The following C2CD4C variants were observed in gnomAD, a reference collection of about 807,000 sequenced individuals.
C2CD4C encodes C2 calcium-dependent domain-containing protein 4C.
C2CD4C carries 3 observed loss-of-function variants against 4.1 expected under a neutral mutation model. The ratio of observed to expected loss-of-function variants is 0.73; its 90% CI spans 0.33 to 1.88. The LOEUF (loss-of-function observed/expected upper bound fraction) is 1.88, where lower values mean the gene tolerates loss of function less well. Ranked by LOEUF, C2CD4C falls within the 40% of genes most tolerant of loss-of-function variation. The pLI, the probability that C2CD4C is intolerant of heterozygous loss-of-function variation, is 0.08. For synonymous variants in C2CD4C, 364 were observed against 290.4 expected, an observed-to-expected ratio of 1.25 and a Z score of -2.57; for missense variants, 664 against 621.5, an observed-to-expected ratio of 1.07 and a Z score of -0.73.
At position 407,312 on chromosome 19, in the gene C2CD4C, C is replaced by A. The variant is rs1974006650; in HGVS notation, c.1050G>T (p.Leu350=). The A allele has an allele frequency of 1.3e-6, 2 of 1,549,706 alleles. No individual in the cohort carries two copies. Among genetic ancestry groups the A allele is most frequent in the Non-Finnish European group, 1.7e-6 (2 of 1,146,822 alleles). ...RSINCCVGLC[L]VPGKLQKQRS... ...GCTGCTTCTGCAGCTTGCCCGGCACCAGGCACAGGCCCACGCAGCAGTTGA... is the reference window on the plus strand; with the variant it reads ...GCTGCTTCTGCAGCTTGCCCGGCACAAGGCACAGGCCCACGCAGCAGTTGA... The change falls in exon 2 of 2, where the codon CTG becomes CTT. Residue 350 remains leucine (L), a synonymous_variant. Coordinates refer to ENST00000332235, the MANE Select transcript of C2CD4C (RefSeq NM_001136263.2).
At position 407,927 on chromosome 19, in the gene C2CD4C, C is replaced by G. The variant is rs2145674328; in HGVS notation, c.435G>C (p.Gln145His). ...AMSLPSVPKA[Q>H]TSYGFAMLAE... ...CCAGCATGGCGAAGCCGTAGGACGT[C>G]TGGGCCTTGGGCACCGAGGGCAGGG... The change falls in exon 2 of 2, where the codon CAG becomes CAC. Residue 145 changes from glutamine to histidine, a missense_variant. By Grantham distance (24) the Gln-to-His change is conservative. Coordinates refer to ENST00000332235, the MANE Select transcript of C2CD4C (RefSeq NM_001136263.2). The G allele has an allele frequency of 1.9e-6, 3 of 1,548,694 alleles. No homozygotes were observed. Among genetic ancestry groups the G allele is most frequent in the South Asian group, 2.4e-5 (2 of 83,916 alleles).
Position 407,070 on chromosome 19 carries a change from G to A in C2CD4C, c.*26C>T, listed in dbSNP as rs373084340. The A allele has an allele frequency of 1.0e-4, 138 of 1,361,622 alleles. No homozygotes were observed. In the South Asian group the frequency reaches 1.4e-3, roughly 14 times the overall value. 84.3% of individuals were successfully genotyped at this position (1,361,622 alleles called of 1,614,324 possible). A position where few individuals can be genotyped will look rare whatever the true frequency, so the allele number is the denominator to read the frequency against. On this transcript the variant is annotated 3_prime_UTR_variant, in exon 2 of 2. Transcript: ENST00000332235. ...AGACCGGGGTCTGCCCTCTGCACCC[G>A]AGCGGACAGCGAGCAGGTCCCCGCT...
chr19:408,796 C>A (rs1016943940), intron 1 of C2CD4C, among the ~76,000 whole-genome samples: 2 of 152,134 alleles, frequency 1.3e-5, no homozygotes, highest in Non-Finnish European at 2.9e-5. Flanking sequence ...CCAGCTCCGC[C>A]CCCCCGGCTC....
chr19:407,423 G>C lies in C2CD4C; in HGVS notation c.939C>G (p.Ala313=), dbSNP rs1265239511. ...GGCGGGCCTGGCCGGCCTCGTACTC[G>C]GCCAGCAGCCGCACGCTGCCCCGAG... ...VGPRGSVRLL[A]EYEAGQARLR... is the part of the protein sequence containing the mutation. The change falls in exon 2 of 2, where the codon GCC becomes GCG. Residue 313 remains alanine (A), a synonymous_variant. Coordinates refer to ENST00000332235, the MANE Select transcript of C2CD4C (RefSeq NM_001136263.2). 5 of 1,517,922 alleles carry C rather than the reference G, an allele frequency of 3.3e-6. No homozygotes were observed. Among genetic ancestry groups the C allele is most frequent in the African/African-American group, 2.8e-5 (2 of 72,170 alleles). 94.0% of individuals were successfully genotyped at this position (1,517,922 alleles called of 1,614,324 possible).
chr19:408,105 G>A lies in C2CD4C; in HGVS notation c.257C>T (p.Thr86Ile). The A allele has an allele frequency of 6.7e-7, 1 of 1,482,500 alleles. No homozygotes were observed. Among genetic ancestry groups the A allele is most frequent in the South Asian group, 1.4e-5 (1 of 72,442 alleles). 91.8% of individuals were successfully genotyped at this position (1,482,500 alleles called of 1,614,324 possible). A position where few individuals can be genotyped will look rare whatever the true frequency, so the allele number is the denominator to read the frequency against. Residue 86 changes from threonine (T) to isoleucine (I), a missense_variant, in exon 2 of 2, where the codon ACC becomes ATC. Coordinates refer to ENST00000332235, the MANE Select transcript of C2CD4C (RefSeq NM_001136263.2). ...GGCAGGCAGCCGGGGGCTCCGTGGG[G>A]TCTGGCGGGGGGCCGCAGAGGCCAG... ...QNLASAAPRQTPRSPRLPAKL... is the reference protein window; with the variant it reads ...QNLASAAPRQIPRSPRLPAKL...
rs1308138004 is a variant in C2CD4C at position 409,015 on chromosome 19, G to A, written c.-50C>T. On this transcript the variant is annotated 5_prime_UTR_variant, in exon 1 of 2. Transcript: ENST00000332235. ...GGGTCCCCGGACTTACCTGCCCGGGGTGATGGCCCGAGGCCGGAGGTCTGT... is the reference window on the plus strand; with the variant it reads ...GGGTCCCCGGACTTACCTGCCCGGGATGATGGCCCGAGGCCGGAGGTCTGT... 2 of 152,524 alleles carry A rather than the reference G, an allele frequency of 1.3e-5. No individual in the cohort carries two copies. The highest frequency in any genetic ancestry group is 1.9e-4 in the South Asian group (1 of 5,160). 9.4% of individuals were successfully genotyped at this position (152,524 alleles called of 1,614,324 possible). A position where few individuals can be genotyped will look rare whatever the true frequency, so the allele number is the denominator to read the frequency against.
Position 407,069 on chromosome 19 carries a change from C to CGAT in C2CD4C, c.*26_*27insATC. On this transcript the variant is annotated 3_prime_UTR_variant, in exon 2 of 2. Coordinates refer to ENST00000332235, the MANE Select transcript of C2CD4C (RefSeq NM_001136263.2). ...GAGACCGGGGTCTGCCCTCTGCACC[C>CGAT]GAGCGGACAGCGAGCAGGTCCCCGC... The CGAT allele has an allele frequency of 6.6e-7, 1 of 1,521,886 alleles. No individual in the cohort carries two copies. Among genetic ancestry groups the CGAT allele is most frequent in the Non-Finnish European group, 8.8e-7 (1 of 1,132,334 alleles). 94.3% of individuals were successfully genotyped at this position (1,521,886 alleles called of 1,614,324 possible).
rs573764045 is a variant in C2CD4C, at chr19:407,350, C to T, written c.1012G>A (p.Asp338Asn). The change falls in exon 2 of 2, where the codon GAC (aspartate) becomes AAC (asparagine). Residue 338 changes from aspartate (D) to asparagine (N), a missense_variant. Asp to Asn is a conservative substitution (Grantham distance 23). Transcript: ENST00000332235. ...ACGCAGCAGTTGATGCTGCGGGCGT[C>T]GCACAGGCGGTCGTAGAGGCCCTCG... The part of the protein sequence containing the change: ...AAEGLYDRLC[D>N]ARSINCCVGL... 3 of 1,546,286 alleles carry T rather than the reference C, an allele frequency of 1.9e-6. No individual in the cohort carries two copies. The highest frequency in any genetic ancestry group is 2.4e-5 in the East Asian group (1 of 40,906).
chr19:407,697 G>C lies in C2CD4C; in HGVS notation c.665C>G (p.Ala222Gly). The C allele has an allele frequency of 6.5e-7, 1 of 1,534,436 alleles. No homozygotes were observed. The highest frequency in any genetic ancestry group is 8.8e-7 in the Non-Finnish European group (1 of 1,139,358). Residue 222 changes from alanine (A) to glycine (G), a missense_variant, in exon 2 of 2, where the codon GCC (alanine) becomes GGC (glycine). By Grantham distance (60) the Ala-to-Gly change is moderately conservative. Coordinates refer to ENST00000332235, the MANE Select transcript of C2CD4C (RefSeq NM_001136263.2). ...AGGGGACCCGAAGGGGGAGGACTCG[G>C]CCGAGGACCCTGTGTCGCTCTCCCC... ...SGGESDTGSS[A>G]ESSPFGSPLL...
rs1375152358 is a variant in C2CD4C, at chr19:408,245, G to A, written c.117C>T (p.Ser39=). ...GGATCTTGTCGGGCGTCAACACATT[G>A]CTGTACAGGGGCCCCTTGGAGGCCT... is the stretch of plus-strand genomic sequence containing the variant. The part of the protein sequence containing the change: ...GDKASKGPLY[S]NVLTPDKIPD... Residue 39 remains serine (S), a synonymous_variant, in exon 2 of 2, where the codon AGC becomes AGT. Transcript: ENST00000332235. 4 of 1,494,212 alleles carry A rather than the reference G, an allele frequency of 2.7e-6. No individual in the cohort carries two copies. The highest frequency in any genetic ancestry group is 3.6e-6 in the Non-Finnish European group (4 of 1,125,396). The allele number at this position is 1,494,212 out of a possible 1,614,324, so 92.6% of individuals were successfully genotyped here.
At position 408,323 on chromosome 19, in the gene C2CD4C, C is replaced by G. The variant is rs1460437120; in HGVS notation, c.39G>C (p.Arg13=). 14 of 1,547,884 alleles carry G rather than the reference C, an allele frequency of 9.0e-6. No individual in the cohort carries two copies. The highest frequency in any genetic ancestry group is 1.2e-5 in the Non-Finnish European group (14 of 1,145,906). ...KTNMWFLERL[R]GSGENGAARG... ...GGGCAGCACCGTTTTCCCCAGACCC[C>G]CGAAGCCGCTCCAAGAACCACATGT... Residue 13 remains arginine, a synonymous_variant, in exon 2 of 2, where the codon CGG becomes CGC. Coordinates refer to ENST00000332235, the MANE Select transcript of C2CD4C (RefSeq NM_001136263.2).
In C2CD4C at chr19:406,985, T is replaced by TACCCCCCCCCCCCC; in HGVS notation, c.*110_*111insGGGGGGGGGGGGGT. The TACCCCCCCCCCCCC allele has an allele frequency of 3.2e-6, 2 of 616,500 alleles. No homozygotes were observed. Among genetic ancestry groups the TACCCCCCCCCCCCC allele is most frequent in the Non-Finnish European group, 5.2e-6 (2 of 384,124 alleles). The allele number at this position is 616,500 out of a possible 1,614,324, so 38.2% of individuals were successfully genotyped here. On this transcript the variant is annotated 3_prime_UTR_variant, in exon 2 of 2. Transcript: ENST00000332235. ...CCAGCCCAGCCTGAGTGTGAGCCCCTCCCCGGCCAGCCCCAGCCCAAGCCA... is the reference window on the plus strand; with the variant it reads ...CCAGCCCAGCCTGAGTGTGAGCCCCTACCCCCCCCCCCCCCCCCGGCCAGCCCCAGCCCAAGCCA...
In C2CD4C at chr19:408,387, C is replaced by T; in HGVS notation, c.-26G>A. On this transcript the variant is annotated 5_prime_UTR_variant, in exon 2 of 2. Transcript: ENST00000332235. ...GGGGGCGGCAGGCAAGAGGCCCGGA[C>T]AGGGGCTGCAGCGTCTGGGAAGAGA... The T allele has an allele frequency of 9.8e-6, 15 of 1,532,338 alleles. No homozygotes were observed. The highest frequency in any genetic ancestry group is 1.3e-5 in the Non-Finnish European group (15 of 1,139,370). 94.9% of individuals were successfully genotyped at this position (1,532,338 alleles called of 1,614,324 possible).
intron 1 of C2CD4C, among the ~76,000 whole-genome samples, chr19:408,750 G>A (rs914392466): frequency 1.3e-5 from 2 of 152,164 alleles, no homozygotes; most frequent in African/African-American, 4.8e-5. Flanking sequence ...TCAGTCCCAG[G>A]GGAAGACACG....
chr19:407,875 C>G lies in C2CD4C; in HGVS notation c.487G>C (p.Glu163Gln). 1 of 1,549,250 alleles carries G rather than the reference C, an allele frequency of 6.5e-7. No homozygotes were observed. ...LAESPHTRRK[E>Q]SLFHSEHGAL... ...CCGTGCTCACTGTGGAACAGAGACT[C>G]CTTGCGCCTCGTGTGGGGGCTCTCA... is the stretch of plus-strand genomic sequence containing the variant. Residue 163 changes from glutamate to glutamine, a missense_variant, in exon 2 of 2, where the codon GAG becomes CAG. By Grantham distance (29) the Glu-to-Gln change is conservative. Coordinates refer to ENST00000332235, the MANE Select transcript of C2CD4C (RefSeq NM_001136263.2).
Position 407,344 on chromosome 19 carries a change from G to A in C2CD4C, c.1018C>T (p.Arg340Cys), listed in dbSNP as rs772613656. ...AGGCCCACGCAGCAGTTGATGCTGCGGGCGTCGCACAGGCGGTCGTAGAGG... is the reference window on the plus strand; with the variant it reads ...AGGCCCACGCAGCAGTTGATGCTGCAGGCGTCGCACAGGCGGTCGTAGAGG... ...EGLYDRLCDA[R>C]SINCCVGLCL... Residue 340 changes from arginine (R) to cysteine (C), a missense_variant, in exon 2 of 2, where the codon CGC (arginine) becomes TGC (cysteine). Coordinates refer to ENST00000332235, the MANE Select transcript of C2CD4C (RefSeq NM_001136263.2). 5.2e-4 allele frequency: 799 copies of A among 1,547,222 alleles called. 1 individual carries two copies. The highest frequency in any genetic ancestry group is 6.4e-4 in the Non-Finnish European group (729 of 1,146,686).
At position 407,937 on chromosome 19, in the gene C2CD4C, G is replaced by A. The variant is rs1366445304; in HGVS notation, c.425C>T (p.Pro142Leu). 3.9e-6 allele frequency: 6 copies of A among 1,548,418 alleles called. No homozygotes were observed. The highest frequency in any genetic ancestry group is 4.4e-6 in the Non-Finnish European group (5 of 1,146,246). ...GAAGCCGTAGGACGTCTGGGCCTTGGGCACCGAGGGCAGGGACATGGCACC... is the reference window on the plus strand; with the variant it reads ...GAAGCCGTAGGACGTCTGGGCCTTGAGCACCGAGGGCAGGGACATGGCACC... Reference protein sequence around the residue: ...AQGAMSLPSVPKAQTSYGFAM... With the variant: ...AQGAMSLPSVLKAQTSYGFAM... Residue 142 changes from proline to leucine, a missense_variant, in exon 2 of 2, where the codon CCC (proline) becomes CTC (leucine). By Grantham distance (98) the Pro-to-Leu change is moderately conservative (BLOSUM62 -3). Coordinates refer to ENST00000332235, the MANE Select transcript of C2CD4C (RefSeq NM_001136263.2).
In C2CD4C at chr19:407,168, G is replaced by A. The variant is rs1974004342; in HGVS notation, c.1194C>T (p.Gly398=). The change falls in exon 2 of 2, where the codon GGC becomes GGT. Residue 398 remains glycine, a synonymous_variant. Coordinates refer to ENST00000332235, the MANE Select transcript of C2CD4C (RefSeq NM_001136263.2). Reference sequence around the variant, plus strand: ...GCAGCGTGTCCCGCTTGAGGCTGCTGCCCTTGTTCACCACCTTGATCCTGA... The same window carrying A: ...GCAGCGTGTCCCGCTTGAGGCTGCTACCCTTGTTCACCACCTTGATCCTGA... ...LALRIKVVNK[G]SSLKRDTLLG... is the part of the protein sequence containing the mutation. 1.9e-6 allele frequency: 3 copies of A among 1,550,134 alleles called. No individual in the cohort carries two copies. In the African/African-American group the frequency reaches 4.1e-5, roughly 21 times the overall value.
At position 407,893 on chromosome 19, in the gene C2CD4C, G is replaced by T. The variant is rs1974017984; in HGVS notation, c.469C>A (p.Pro157Thr). ...AGAGACTCCTTGCGCCTCGTGTGGG[G>T]GCTCTCAGCCAGCATGGCGAAGCCG... ...SYGFAMLAES[P>T]HTRRKESLFH... Residue 157 changes from proline (P) to threonine (T), a missense_variant, in exon 2 of 2, where the codon CCC (proline) becomes ACC (threonine). Pro to Thr is a conservative substitution (Grantham distance 38). Transcript: ENST00000332235. 9 of 1,549,130 alleles carry T rather than the reference G, an allele frequency of 5.8e-6. No homozygotes were observed. The highest frequency in any genetic ancestry group is 7.9e-6 in the Non-Finnish European group (9 of 1,146,436).
Sources: gnomAD v4.1 joint callset for allele counts (sites outside exome capture counted in the v4.1 genomes callset) on GRCh38, gnomAD v4.1.1 for gene constraint, MANE v1.5 for transcripts, NCBI Gene and HGNC (gene_info 2026-07-23, HGNC 2026-07-21) for gene names.